AGBL4: variants seen among roughly 807,000 people sequenced by gnomAD.
AGBL4 encodes AGBL carboxypeptidase 4.
Under a neutral mutation model 66.4 loss-of-function variants are expected in AGBL4, and 58 were observed. The observed-to-expected ratio is 0.87, with a 90% confidence interval of 0.71 to 1.09. The LOEUF (loss-of-function observed/expected upper bound fraction) is 1.09. AGBL4 is among the 50% of genes least tolerant of loss of function. The pLI, the probability that AGBL4 is intolerant of heterozygous loss-of-function variation, is 0.00. For synonymous variants in AGBL4, 234 were observed against 222.9 expected, an observed-to-expected ratio of 1.05 and a Z score of -0.44; for missense variants, 579 against 631.0, an observed-to-expected ratio of 0.92 and a Z score of 0.88.
In AGBL4 at chr1:49,456,880, G is replaced by T. The variant is rs192928315; in HGVS notation, c.283-211016C>A. Among the ~76,000 whole-genome samples, 356 of 151,644 alleles carry T rather than the reference G, an allele frequency of 2.3e-3. 5 individuals carry two copies. The highest frequency in any genetic ancestry group is 2.8e-3 in the Admixed American group (43 of 15,200). ...AGAATAATAGTCTCCAATTCCATCT[G>T]GTTTGCTGTGAATACCACTATTTTG... is the stretch of plus-strand genomic sequence containing the variant. On this transcript the variant is annotated intron_variant, in intron 3 of 13. Transcript: ENST00000371839.
At chr1:49,953,791 A>C (rs1656359770) in intron 1 of AGBL4, among the ~76,000 whole-genome samples, 1 of 151,982 alleles carries the variant, frequency 6.6e-6, no homozygotes, top group Admixed American at 6.6e-5. Context: ...CCATAATTAA[A>C]CCAACAGAGT....
intron 4 of AGBL4, among the ~76,000 whole-genome samples, chr1:49,117,804 C>A (rs1315389911): frequency 6.6e-6 from 1 of 152,046 alleles, no homozygotes; most frequent in Non-Finnish European, 1.5e-5. Context: ...TATAAATTAC[C>A]TTGGGCAGTA....
intron 4 of AGBL4, among the ~76,000 whole-genome samples, chr1:49,058,066 A>G (rs1449663895): frequency 4.6e-5 from 7 of 152,088 alleles, no homozygotes; most frequent in Non-Finnish European, 1.0e-4. Flanking sequence ...ATTTTGCCCA[A>G]TTTTCACATA....
rs1369163113 is a variant in AGBL4 at position 48,534,934 on chromosome 1, T to C, written c.1365-18A>G. ...CTTTATTTCTAAAATAGGAGAAAAATTCATGTCCTTCCTGCCTCTTAGGCT... is the reference window on the plus strand; with the variant it reads ...CTTTATTTCTAAAATAGGAGAAAAACTCATGTCCTTCCTGCCTCTTAGGCT... On this transcript the variant is annotated intron_variant, in intron 12 of 13. Transcript: ENST00000371839. The C allele has an allele frequency of 5.2e-6, 8 of 1,550,524 alleles. No individual in the cohort carries two copies. Among genetic ancestry groups the C allele is most frequent in the Admixed American group, 2.0e-5 (1 of 50,966 alleles).
chr1:48,810,226 C>T (rs1389964611), intron 6 of AGBL4, among the ~76,000 whole-genome samples: 2 of 152,220 alleles, frequency 1.3e-5, no homozygotes, highest in Non-Finnish European at 2.9e-5. Context: ...TCTGGGGATA[C>T]AAGTCCACAA....
intron 5 of AGBL4, among the ~76,000 whole-genome samples, chr1:48,867,705 A>C (rs985515434): frequency 2.0e-5 from 3 of 152,130 alleles, no homozygotes; most frequent in African/African-American, 7.2e-5. Context: ...TTTTTAACCA[A>C]GATATTTCTA....
intron 5 of AGBL4, among the ~76,000 whole-genome samples, chr1:49,028,044 G>T (rs1663872937): frequency 6.6e-6 from 1 of 152,160 alleles, no homozygotes; most frequent in African/African-American, 2.4e-5. Flanking sequence ...TGCATAAGGG[G>T]ATTGAGTTCA....
chr1:49,721,628 G>A (rs1258984400), intron 2 of AGBL4, among the ~76,000 whole-genome samples: 1 of 152,062 alleles, frequency 6.6e-6, no homozygotes, highest in Non-Finnish European at 1.5e-5. Flanking sequence ...TTCTCTAGTG[G>A]CAGTATAAAT....
chr1:49,351,871 C>T (rs1643915905), intron 3 of AGBL4, among the ~76,000 whole-genome samples: 1 of 152,214 alleles, frequency 6.6e-6, no homozygotes, highest in South Asian at 2.1e-4. Flanking sequence ...CAGATGGCCA[C>T]TATGGTACAT....
At chr1:49,225,154 T>C (rs568298200) in intron 4 of AGBL4, among the ~76,000 whole-genome samples, 23 of 152,354 alleles carry the variant, frequency 1.5e-4, no homozygotes, top group African/African-American at 4.1e-4. Context: ...TTATTGGGTA[T>C]ATCTACATGC....
intron 6 of AGBL4, among the ~76,000 whole-genome samples, chr1:48,724,999 T>C (rs1351142328): frequency 1.3e-5 from 2 of 152,284 alleles, no homozygotes; most frequent in African/African-American, 4.8e-5. Context: ...GGAAAAATCA[T>C]TTGAGCCTAG....
intron 3 of AGBL4, among the ~76,000 whole-genome samples, chr1:49,520,795 C>A (rs1319720157): frequency 6.6e-6 from 1 of 151,654 alleles, no homozygotes; most frequent in African/African-American, 2.4e-5. Context: ...TTATCACTCA[C>A]CAAAGATCAC....
intron 3 of AGBL4, among the ~76,000 whole-genome samples, chr1:49,271,462 C>T (rs1326745951): frequency 1.3e-5 from 2 of 150,220 alleles, no homozygotes; most frequent in African/African-American, 2.4e-5. Flanking sequence ...GATTTCAAAG[C>T]GTTGTGTTTT....
At chr1:48,917,628 C>G (rs1402393377) in intron 5 of AGBL4, among the ~76,000 whole-genome samples, 1 of 152,184 alleles carries the variant, frequency 6.6e-6, no homozygotes, top group Non-Finnish European at 1.5e-5. Flanking sequence ...TTAAGTGCCT[C>G]AAACTGACAT....
chr1:48,582,838 G>A (rs1472846613), intron 11 of AGBL4, among the ~76,000 whole-genome samples: 2 of 152,202 alleles, frequency 1.3e-5, no homozygotes, highest in African/African-American at 4.8e-5. Flanking sequence ...TAGTAGAGAA[G>A]GGAAGTCAGA....
chr1:48,995,291 C>G (rs1660917327), intron 5 of AGBL4, among the ~76,000 whole-genome samples: 1 of 152,218 alleles, frequency 6.6e-6, no homozygotes, highest in Non-Finnish European at 1.5e-5. Flanking sequence ...GGGCTTCCCT[C>G]TGTCACAGCA....
At position 49,540,584 on chromosome 1, in the gene AGBL4, C is replaced by G. The variant is rs1651933408; in HGVS notation, c.282+156729G>C. Among the ~76,000 whole-genome samples the G allele has an allele frequency of 2.6e-5, 4 of 152,070 alleles. No individual in the cohort carries two copies. The South Asian group carries it at 8.3e-4, about 32-fold the overall frequency. On this transcript the variant is annotated intron_variant, in intron 3 of 13. Coordinates refer to ENST00000371839, the MANE Select transcript of AGBL4 (RefSeq NM_032785.4). ...TAATAAATGTTTGTTAAAAGCATAA[C>G]CAAAAGTTAGCAAAAGGATGTATAC...
In AGBL4 at chr1:49,948,001, TATATATAAATATATAAATATATATAA is replaced by T. The variant is rs1557607570; in HGVS notation, c.34+75736_34+75761del. Among the ~76,000 whole-genome samples, 7 of 92,486 alleles carry T rather than the reference TATATATAAATATATAAATATATATAA, an allele frequency of 7.6e-5. 1 individual carries two copies. Among genetic ancestry groups the T allele is most frequent in the East Asian group, 5.7e-4 (2 of 3,510 alleles). The allele number at this position is 92,486 out of a possible 152,430, so 60.7% of individuals were successfully genotyped here. ...ATAAATATATATTTATATATATAAA[TATATATAAATATATAAATATATATAA>T]ATATATATACATATAAATATATAAA... is the stretch of plus-strand genomic sequence containing the variant. On this transcript the variant is annotated intron_variant, in intron 1 of 13. Transcript: ENST00000371839.
At chr1:48,916,409 G>T (rs951906304) in intron 5 of AGBL4, among the ~76,000 whole-genome samples, 1 of 152,128 alleles carries the variant, frequency 6.6e-6, no homozygotes, top group South Asian at 2.1e-4. Flanking sequence ...AGAGGGAGGC[G>T]GGGCAACTGG....
Sources: allele counts gnomAD v4.1 joint callset (sites outside exome capture counted in the v4.1 genomes callset), GRCh38; gene constraint gnomAD v4.1.1; transcripts MANE v1.5; gene names NCBI Gene and HGNC (gene_info 2026-07-23, HGNC 2026-07-21).